NOS1AP: variants seen among roughly 807,000 people sequenced by gnomAD.
NOS1AP encodes the protein carboxyl-terminal PDZ ligand of neuronal nitric oxide synthase protein.
In NOS1AP, 21 loss-of-function variants were observed where a neutral mutation model predicts 56.2. The observed-to-expected ratio is 0.37, with a 90% CI of 0.26 to 0.54. The LOEUF (loss-of-function observed/expected upper bound fraction) is 0.54, where lower values mean the gene tolerates loss of function less well. Among genes scored for constraint, NOS1AP ranks in the 20% least tolerant of loss-of-function variants. NOS1AP has a pLI of 0.84. For synonymous variants in NOS1AP, 270 were observed against 274.6 expected (o/e 0.98, Z 0.17); for missense variants, 522 against 657.8 (o/e 0.79, Z 2.26).
chr1:162,164,290 T>G (rs2102115841), intron 2 of NOS1AP, among the ~76,000 whole-genome samples: 1 of 152,360 alleles, frequency 6.6e-6, no homozygotes, highest in South Asian at 2.1e-4. Flanking sequence ...GTTCATGTTC[T>G]TGGTGTTGGC....
At chr1:162,182,521 T>C (rs1408142013) in intron 2 of NOS1AP, among the ~76,000 whole-genome samples, 1 of 152,234 alleles carries the variant, frequency 6.6e-6, no homozygotes, top group African/African-American at 2.4e-5. Context: ...GATTGAGTCT[T>C]CCTTTTACCA....
chr1:162,234,395 T>A (rs1375478220), intron 2 of NOS1AP, among the ~76,000 whole-genome samples: 1 of 152,200 alleles, frequency 6.6e-6, no homozygotes, highest in African/African-American at 2.4e-5. Context: ...TGAGGAGTTT[T>A]AGATCAGGGA....
At chr1:162,348,683 C>T (rs751858792) in intron 6 of NOS1AP, among the ~76,000 whole-genome samples, 51 of 152,154 alleles carry the variant, frequency 3.4e-4, no homozygotes, top group Non-Finnish European at 7.1e-4. Flanking sequence ...TGAGTCTCTG[C>T]AAGGAGATCA....
chr1:162,134,833 G>A (rs1371591838), intron 1 of NOS1AP, among the ~76,000 whole-genome samples: 3 of 152,122 alleles, frequency 2.0e-5, no homozygotes, highest in African/African-American at 7.2e-5. Context: ...ACCCTTAGGT[G>A]GCTGCACATG....
At chr1:162,102,162 G>C (rs901286969) in intron 1 of NOS1AP, among the ~76,000 whole-genome samples, 5 of 152,138 alleles carry the variant, frequency 3.3e-5, no homozygotes, top group Non-Finnish European at 5.9e-5. Context: ...AAGGTATGTT[G>C]AATTTTATCC....
intron 1 of NOS1AP, among the ~76,000 whole-genome samples, chr1:162,152,003 T>C (rs1649730091): frequency 6.6e-6 from 1 of 152,162 alleles, no homozygotes; most frequent in Non-Finnish European, 1.5e-5. Flanking sequence ...TGTGAGCCCC[T>C]TGTTAGGAAG....
intron 1 of NOS1AP, among the ~76,000 whole-genome samples, chr1:162,152,527 G>C (rs1649759618): frequency 6.6e-6 from 1 of 152,224 alleles, no homozygotes; most frequent in Non-Finnish European, 1.5e-5. Flanking sequence ...CCTCAGCAGA[G>C]CTCAGAAGGA....
rs756743375 is a variant in NOS1AP at position 162,310,359 on chromosome 1, C to T, written c.344+9653C>T. On this transcript the variant is annotated intron_variant, in intron 4 of 9. Coordinates refer to ENST00000361897, the MANE Select transcript of NOS1AP (RefSeq NM_014697.3). ...TGAGTGTTTTCTCTTCCTTCAGCCTCGCATTGCCTAAGGTTTTTGAGCAGC... is the reference window on the plus strand; with the variant it reads ...TGAGTGTTTTCTCTTCCTTCAGCCTTGCATTGCCTAAGGTTTTTGAGCAGC... Among the ~76,000 whole-genome samples the T allele has an allele frequency of 2.0e-4, 31 of 152,328 alleles. 1 individual carries two copies. The highest frequency in any genetic ancestry group is 1.0e-3 in the South Asian group (5 of 4,822).
intron 2 of NOS1AP, among the ~76,000 whole-genome samples, chr1:162,219,839 C>G (rs1456268504): frequency 6.6e-6 from 1 of 152,212 alleles, no homozygotes; most frequent in Non-Finnish European, 1.5e-5. Flanking sequence ...GTAAGTTTAC[C>G]TTTCAGGAAG....
intron 1 of NOS1AP, among the ~76,000 whole-genome samples, chr1:162,140,840 TG>T (rs1571055080): frequency 6.6e-6 from 1 of 152,190 alleles, no homozygotes; most frequent in East Asian, 1.9e-4. Context: ...AAAGCCATTC[TG>T]ATTGGTGTGA....
chr1:162,135,811 T>C (rs370405345), intron 1 of NOS1AP, among the ~76,000 whole-genome samples: 2 of 152,230 alleles, frequency 1.3e-5, no homozygotes, highest in African/African-American at 4.8e-5. Context: ...CCACGTTTCA[T>C]TTGATTCACC....
intron 1 of NOS1AP, among the ~76,000 whole-genome samples, chr1:162,150,746 TTG>T (rs1217858882): frequency 1.3e-5 from 2 of 152,214 alleles, no homozygotes; most frequent in African/African-American, 4.8e-5. Flanking sequence ...TGTTTCCCAT[TTG>T]TGTGTTTTCT....
chr1:162,162,699 A>T (rs4656356), intron 2 of NOS1AP, among the ~76,000 whole-genome samples: 1 of 152,214 alleles, frequency 6.6e-6, no homozygotes, highest in Non-Finnish European at 1.5e-5. Flanking sequence ...TTATAAATTT[A>T]TGTAAACCCT....
At chr1:162,205,886 T>C (rs1431920687) in intron 2 of NOS1AP, among the ~76,000 whole-genome samples, 1 of 152,190 alleles carries the variant, frequency 6.6e-6, no homozygotes, top group African/African-American at 2.4e-5. Flanking sequence ...CAGAAAAAGT[T>C]TGGCAGCCTC....
chr1:162,300,799 T>A, intron 4 of NOS1AP, 93 bp downstream of exon 4: 1 of 1,066,806 alleles, frequency 9.4e-7, no homozygotes, highest in South Asian at 1.3e-5. Flanking sequence ...TCCAGGCAAA[T>A]TTAAATAAAC....
intron 1 of NOS1AP, among the ~76,000 whole-genome samples, chr1:162,073,357 C>T (rs945380649): frequency 1.3e-5 from 2 of 152,202 alleles, no homozygotes; most frequent in African/African-American, 4.8e-5. Context: ...ATGGAATATT[C>T]ACTCTATGTT....
At chr1:162,338,567 A>C (rs1411188935) in intron 5 of NOS1AP, 1 of 152,222 alleles carries the variant, frequency 6.6e-6, no homozygotes, top group Non-Finnish European at 1.5e-5. Context: ...TGCATATGGC[A>C]CTTAAAGATT....
intron 1 of NOS1AP, among the ~76,000 whole-genome samples, chr1:162,078,290 A>G (rs1422383347): frequency 2.6e-5 from 4 of 152,178 alleles, no homozygotes; most frequent in African/African-American, 9.7e-5. Flanking sequence ...CAAGCTGGAA[A>G]TCAAATTTCT....
chr1:162,161,296 G>A (rs771520224), intron 2 of NOS1AP, among the ~76,000 whole-genome samples: 19 of 152,218 alleles, frequency 1.2e-4, no homozygotes, highest in Non-Finnish European at 2.4e-4. Context: ...CTTTGAGTCT[G>A]TCTACCATAA....
Sources: allele counts gnomAD v4.1 joint callset (sites outside exome capture counted in the v4.1 genomes callset), GRCh38; gene constraint gnomAD v4.1.1; transcripts MANE v1.5; gene names NCBI Gene and HGNC (gene_info 2026-07-23, HGNC 2026-07-21).